The following TACC2 variants were observed in gnomAD, a reference collection of about 807,000 sequenced individuals.
The protein encoded by TACC2 is transforming acidic coiled-coil containing protein 2, also known as transforming acidic coiled-coil-containing protein 2.
In TACC2, 137 loss-of-function variants were observed where a neutral mutation model predicts 227.3. The observed-to-expected ratio is 0.60, with a 90% CI of 0.52 to 0.69. The LOEUF (loss-of-function observed/expected upper bound fraction) is 0.69, where lower values mean the gene tolerates loss of function less well. Ranked by LOEUF, TACC2 falls within the 30% of genes least tolerant of loss-of-function variation. The pLI is 0.00. For missense variants in TACC2, 3,470 were observed against 3,694.4 expected, an observed-to-expected ratio of 0.94 and a Z score of 1.57; for synonymous variants, 1,523 against 1,487.5, an observed-to-expected ratio of 1.02 and a Z score of -0.55.
chr10:122,151,733 A>T (rs1188022357), intron 7 of TACC2, among the ~76,000 whole-genome samples: 1 of 152,130 alleles, frequency 6.6e-6, no homozygotes, highest in African/African-American at 2.4e-5. Context: ...CTGTGGTCCA[A>T]GTGGGAGACA....
chr10:122,039,699 C>T (rs2461201), intron 2 of TACC2, among the ~76,000 whole-genome samples: 61,498 of 152,018 alleles, frequency 0.4, 13,039 homozygotes, highest in African/African-American at 0.51. Flanking sequence ...CAATTAATTG[C>T]TGCATTAATT....
intron 7 of TACC2, among the ~76,000 whole-genome samples, chr10:122,166,426 G>A (rs933381914): frequency 2.0e-5 from 3 of 152,092 alleles, no homozygotes; most frequent in Non-Finnish European, 4.4e-5. Context: ...GGGAGGGAGC[G>A]ACTTTTGTAT....
intron 16 of TACC2, among the ~76,000 whole-genome samples, chr10:122,237,085 A>C (rs1351344495): frequency 6.6e-6 from 1 of 152,216 alleles, no homozygotes; most frequent in Non-Finnish European, 1.5e-5. Context: ...CGCTGTGCCT[A>C]AGTGGCTCAG....
At chr10:122,041,654 C>T (rs1460663628) in intron 2 of TACC2, among the ~76,000 whole-genome samples, 1 of 152,092 alleles carries the variant, frequency 6.6e-6, no homozygotes, top group South Asian at 2.1e-4. Flanking sequence ...ACCGTGTTGC[C>T]CAGGCCAGGC....
chr10:122,014,869 A>G (rs895039099), intron 1 of TACC2, among the ~76,000 whole-genome samples: 1 of 152,178 alleles, frequency 6.6e-6, no homozygotes, highest in African/African-American at 2.4e-5. Flanking sequence ...ATCACATGAG[A>G]TGGTACCTTC....
chr10:122,211,580 T>G lies in TACC2; in HGVS notation c.7155T>G (p.Ser2385=). 6.2e-7 allele frequency: 1 copy of G among 1,614,010 alleles called. No homozygotes were observed. The highest frequency in any genetic ancestry group is 1.1e-5 in the South Asian group (1 of 91,046). The change falls in exon 9 of 23, where the codon TCT becomes TCG. Residue 2385 remains serine, a synonymous_variant. Coordinates refer to ENST00000369005, the MANE Select transcript of TACC2 (RefSeq NM_206862.4). The part of the protein sequence containing the change: ...DESVDPFKTS[S]KTPSSPSKSP... ...CCGTTGACCCCTTTAAGACATCCTC[T>G]AAGACCCCCAGCTCACCTTCTAAAT...
At chr10:122,032,179 T>A (rs994388845) in intron 2 of TACC2, among the ~76,000 whole-genome samples, 2 of 152,288 alleles carry the variant, frequency 1.3e-5, no homozygotes, top group Admixed American at 1.3e-4. Flanking sequence ...GCCCCTTCAA[T>A]ATCACTTGAA....
At chr10:122,241,793 G>T in intron 18 of TACC2, 165 bp from the exon 19 acceptor site, 1 of 673,164 alleles carries the variant, frequency 1.5e-6, no homozygotes. Flanking sequence ...GGCATATTTA[G>T]AGTCACGCAC....
At chr10:122,170,422 C>T (rs974410109) in intron 7 of TACC2, among the ~76,000 whole-genome samples, 3 of 151,992 alleles carry the variant, frequency 2.0e-5, no homozygotes, top group African/African-American at 7.3e-5. Flanking sequence ...AGGTGCACGC[C>T]ACTGTGCCCA....
At chr10:122,008,544 G>A (rs1955538105) in intron 1 of TACC2, among the ~76,000 whole-genome samples, 1 of 151,752 alleles carries the variant, frequency 6.6e-6, no homozygotes, top group African/African-American at 2.4e-5. Context: ...ACAGGCATGA[G>A]CCACTGCGCC....
chr10:122,088,934 G>A (rs994528072), intron 5 of TACC2, among the ~76,000 whole-genome samples: 1 of 152,144 alleles, frequency 6.6e-6, no homozygotes. Flanking sequence ...CAGCCACATG[G>A]TGAAACCCCA....
In TACC2 at chr10:122,133,539, C is replaced by CT. The variant is rs200720986; in HGVS notation, c.5699+806dup. On this transcript the variant is annotated intron_variant, in intron 6 of 22. Coordinates refer to ENST00000369005, the MANE Select transcript of TACC2 (RefSeq NM_206862.4). ...TACACACACATGTCTGTGTGTGTGTCTATGAATACACGCGTGCACACATTT... is the reference window on the plus strand; with the variant it reads ...TACACACACATGTCTGTGTGTGTGTCTTATGAATACACGCGTGCACACATTT... Among the ~76,000 whole-genome samples, 839 of 152,224 alleles carry CT rather than the reference C, an allele frequency of 5.5e-3. 7 individuals are homozygous for CT. The highest frequency in any genetic ancestry group is 0.019 in the African/African-American group (787 of 41,524).
intron 7 of TACC2, among the ~76,000 whole-genome samples, chr10:122,171,311 T>A (rs2093461319): frequency 6.6e-6 from 1 of 151,020 alleles, no homozygotes; most frequent in South Asian, 2.1e-4. Flanking sequence ...AACAGAAGCC[T>A]TGGGCTCTGG....
intron 22 of TACC2, among the ~76,000 whole-genome samples, chr10:122,250,391 G>A (rs1229587013): frequency 1.3e-5 from 2 of 152,174 alleles, no homozygotes; most frequent in East Asian, 1.9e-4. Context: ...AGTCATCCAC[G>A]AGCCCAGCAG....
intron 7 of TACC2, among the ~76,000 whole-genome samples, chr10:122,191,202 C>T (rs1040046280): frequency 6.6e-6 from 1 of 151,976 alleles, no homozygotes; most frequent in Non-Finnish European, 1.5e-5. Flanking sequence ...GCTGCAGTCT[C>T]AAACTCCTGG....
chr10:122,035,851 C>T (rs76409826), intron 2 of TACC2, among the ~76,000 whole-genome samples: 7,564 of 152,064 alleles, frequency 0.05, 258 homozygotes, highest in Non-Finnish European at 0.08. Context: ...CTTATTCTGT[C>T]GCTGAGGATG....
intron 3 of TACC2, among the ~76,000 whole-genome samples, chr10:122,054,348 A>C (rs1410694419): frequency 6.6e-6 from 1 of 152,152 alleles, no homozygotes. Flanking sequence ...CCTAGGGTGA[A>C]GCTTAACCCC....
intron 16 of TACC2, among the ~76,000 whole-genome samples, chr10:122,236,399 G>T (rs894261353): frequency 6.6e-6 from 1 of 152,164 alleles, no homozygotes; most frequent in Non-Finnish European, 1.5e-5. Context: ...GTAGAGGTTC[G>T]CTGGGCAGCC....
intron 5 of TACC2, chr10:122,126,887 A>T (rs2086982813): frequency 6.6e-6 from 1 of 152,252 alleles, no homozygotes; most frequent in Non-Finnish European, 1.5e-5. Context: ...CAGCCCCGAA[A>T]TTCCTGTGTT....
Sources: gnomAD v4.1 joint callset for allele counts (sites outside exome capture counted in the v4.1 genomes callset) on GRCh38, gnomAD v4.1.1 for gene constraint, MANE v1.5 for transcripts, NCBI Gene and HGNC (gene_info 2026-07-23, HGNC 2026-07-21) for gene names.